ANKS1B: variants seen among roughly 807,000 people sequenced by gnomAD.
ANKS1B encodes ankyrin repeat and sterile alpha motif domain containing 1B.
ANKS1B carries 36 observed loss-of-function variants against 148.3 expected under a neutral mutation model. The observed-to-expected ratio is 0.24, with a 90% confidence interval of 0.19 to 0.32. ANKS1B has a LOEUF of 0.32. ANKS1B is among the 10% of genes least tolerant of loss of function. The pLI, the probability that ANKS1B is intolerant of heterozygous loss-of-function variation, is 1.00. For synonymous variants in ANKS1B, 542 were observed against 560.8 expected, an observed-to-expected ratio of 0.97 and a Z score of 0.47; for missense variants, 1,157 against 1,542.6, an observed-to-expected ratio of 0.75 and a Z score of 4.19.
chr12:99,770,258 T>C (rs1402016929), intron 8 of ANKS1B, among the ~76,000 whole-genome samples: 4 of 152,218 alleles, frequency 2.6e-5, no homozygotes, highest in Non-Finnish European at 2.9e-5. Context: ...TTCAGTGTTT[T>C]ATATGTTAGC....
At chr12:98,823,964 G>A (rs566869378) in intron 19 of ANKS1B, among the ~76,000 whole-genome samples, 1 of 152,336 alleles carries the variant, frequency 6.6e-6, no homozygotes, top group South Asian at 2.1e-4. Flanking sequence ...TTCTTTCCCA[G>A]ACATGGCAAA....
intron 15 of ANKS1B, among the ~76,000 whole-genome samples, chr12:99,131,118 T>G (rs10735363): frequency 6.6e-6 from 1 of 151,954 alleles, no homozygotes; most frequent in African/African-American, 2.4e-5. Context: ...AGTGGCTGTT[T>G]GTTGCCTACT....
intron 17 of ANKS1B, among the ~76,000 whole-genome samples, chr12:98,964,467 A>C (rs2099876071): frequency 6.6e-6 from 1 of 152,226 alleles, no homozygotes; most frequent in African/African-American, 2.4e-5. Context: ...AAAGAAAGGA[A>C]ATCAGTATAT....
chr12:99,285,928 A>G (rs2079067291), intron 12 of ANKS1B, among the ~76,000 whole-genome samples: 1 of 152,112 alleles, frequency 6.6e-6, no homozygotes, highest in African/African-American at 2.4e-5. Flanking sequence ...AAGCCCAAAA[A>G]CAAGCTAAAG....
chr12:99,643,851 G>T (rs2098333375), intron 9 of ANKS1B, among the ~76,000 whole-genome samples: 2 of 152,268 alleles, frequency 1.3e-5, no homozygotes, highest in South Asian at 2.1e-4. Context: ...CTGTGTGGTT[G>T]AATAATCTCA....
intron 9 of ANKS1B, among the ~76,000 whole-genome samples, chr12:99,550,540 C>T (rs1463357307): frequency 1.3e-5 from 2 of 151,628 alleles, no homozygotes; most frequent in Non-Finnish European, 2.9e-5. Flanking sequence ...AGGAGAATCG[C>T]TTGAACCCGG....
At chr12:98,850,316 G>A (rs545491346) in intron 17 of ANKS1B, among the ~76,000 whole-genome samples, 37 of 152,266 alleles carry the variant, frequency 2.4e-4, no homozygotes, top group South Asian at 1.5e-3. Flanking sequence ...TCAAATATGA[G>A]AAATTATAAG....
In ANKS1B at chr12:99,200,141, C is replaced by T. The variant is rs116358490; in HGVS notation, c.2419+44201G>A. Among the ~76,000 whole-genome samples the T allele has an allele frequency of 8.7e-3, 1,320 of 152,146 alleles. 23 individuals carry two copies. Among genetic ancestry groups the T allele is most frequent in the African/African-American group, 0.031 (1,267 of 41,508 alleles). Reference sequence around the variant, plus strand: ...TCAGTTCTAACAAAAGTGGTTCCTGCAAAAAGGAGAGATGGGGCACAACTA... The same window carrying T: ...TCAGTTCTAACAAAAGTGGTTCCTGTAAAAAGGAGAGATGGGGCACAACTA... On this transcript the variant is annotated intron_variant, in intron 14 of 26. Coordinates refer to ENST00000683438, the MANE Select transcript of ANKS1B (RefSeq NM_001352186.2).
intron 12 of ANKS1B, among the ~76,000 whole-genome samples, chr12:99,310,284 T>C (rs2082956624): frequency 6.6e-6 from 1 of 152,160 alleles, no homozygotes; most frequent in Admixed American, 6.6e-5. Flanking sequence ...GTTAAAACTA[T>C]AGTGATGATT....
At chr12:99,341,593 T>A (rs896455517) in intron 12 of ANKS1B, among the ~76,000 whole-genome samples, 6 of 152,128 alleles carry the variant, frequency 3.9e-5, no homozygotes, top group Admixed American at 6.6e-5. Context: ...AATAGAAATG[T>A]AGCTTCAAGG....
chr12:99,498,933 G>A (rs1417365354), intron 10 of ANKS1B, among the ~76,000 whole-genome samples: 1 of 152,182 alleles, frequency 6.6e-6, no homozygotes, highest in Non-Finnish European at 1.5e-5. Context: ...GCATAGCTAG[G>A]TATGAGTCAC....
intron 1 of ANKS1B, among the ~76,000 whole-genome samples, chr12:99,900,980 C>A (rs1203994347): frequency 6.6e-6 from 1 of 152,104 alleles, no homozygotes; most frequent in Non-Finnish European, 1.5e-5. Flanking sequence ...ATGAGGCTGT[C>A]CCCTCAACAA....
chr12:99,192,168 T>C (rs899379170), intron 14 of ANKS1B, among the ~76,000 whole-genome samples: 1 of 149,620 alleles, frequency 6.7e-6, no homozygotes, highest in African/African-American at 2.5e-5. Flanking sequence ...TCACATATTG[T>C]GATCATAACA....
At chr12:98,968,515 T>C (rs571910414) in intron 17 of ANKS1B, among the ~76,000 whole-genome samples, 3 of 152,206 alleles carry the variant, frequency 2.0e-5, no homozygotes, top group South Asian at 4.2e-4. Flanking sequence ...CAGGGTAAAA[T>C]GGATCAGGGT....
chr12:99,617,939 A>G (rs2097991099), intron 9 of ANKS1B, among the ~76,000 whole-genome samples: 1 of 152,144 alleles, frequency 6.6e-6, no homozygotes, highest in South Asian at 2.1e-4. Context: ...AAAATCCTCC[A>G]ATAGCCTCTC....
At chr12:99,645,112 G>A (rs12582217) in intron 9 of ANKS1B, among the ~76,000 whole-genome samples, 11,891 of 152,132 alleles carry the variant, frequency 0.078, 680 homozygotes, top group East Asian at 0.23. Context: ...TATCTTTTGG[G>A]GGAATTATTC....
chr12:98,907,766 G>A (rs2099781390), intron 17 of ANKS1B, among the ~76,000 whole-genome samples: 5 of 152,184 alleles, frequency 3.3e-5, no homozygotes. Context: ...CCCAGTGGGA[G>A]ATAATTGAAC....
chr12:99,006,809 T>C (rs559011621), intron 17 of ANKS1B, among the ~76,000 whole-genome samples: 1 of 152,336 alleles, frequency 6.6e-6, no homozygotes, highest in South Asian at 2.1e-4. Context: ...TTTAAATAAC[T>C]TATTTCATAT....
In ANKS1B at chr12:99,341,442, G is replaced by C. The variant is rs182289561; in HGVS notation, c.1756+58189C>G. Among the ~76,000 whole-genome samples, 4 of 152,164 alleles carry C rather than the reference G, an allele frequency of 2.6e-5. No individual in the cohort carries two copies. The East Asian group carries it at 7.7e-4, about 29-fold the overall frequency. ...ACATTGATTTCACACATGAGTACCA[G>C]TACCTACACCTAGATTTAAGAGATT... On this transcript the variant is annotated intron_variant, in intron 12 of 26. Transcript: ENST00000683438.
Sources: allele counts gnomAD v4.1 joint callset (sites outside exome capture counted in the v4.1 genomes callset), GRCh38; gene constraint gnomAD v4.1.1; transcripts MANE v1.5; gene names NCBI Gene and HGNC (gene_info 2026-07-23, HGNC 2026-07-21).